Variants in EIF4H observed in about 807,000 individuals in gnomAD.
The protein encoded by EIF4H is Williams-Beuren syndrome chromosome region 1.
A neutral mutation model predicts 30.6 loss-of-function variants in EIF4H; 8 were observed. The ratio of observed to expected loss-of-function variants is 0.26; its 90% CI spans 0.15 to 0.47. EIF4H has a LOEUF of 0.47. EIF4H is among the 20% of genes least tolerant of loss of function. The pLI is 0.99. For synonymous variants in EIF4H, 106 were observed against 122.7 expected, an observed-to-expected ratio of 0.86 and a Z score of 0.90; for missense variants, 188 against 339.5, an observed-to-expected ratio of 0.55 and a Z score of 3.51.
intron 1 of EIF4H, among the ~76,000 whole-genome samples, chr7:74,174,914 G>C (rs1554707455): frequency 6.6e-6 from 1 of 152,240 alleles, no homozygotes; most frequent in African/African-American, 2.4e-5. Flanking sequence ...GGCCGACTGG[G>C]GAAGGTCGGC....
chr7:74,182,090 C>G (rs1357917733), intron 1 of EIF4H, among the ~76,000 whole-genome samples: 1 of 152,098 alleles, frequency 6.6e-6, no homozygotes, highest in Non-Finnish European at 1.5e-5. Context: ...AACAGTTTTT[C>G]CAGTACCCAG....
chr7:74,193,129 G>C (rs1283336964), intron 5 of EIF4H, among the ~76,000 whole-genome samples: 3 of 152,176 alleles, frequency 2.0e-5, no homozygotes, highest in Admixed American at 6.5e-5. Context: ...GGTTTTGTCT[G>C]TAAGACACCT....
At chr7:74,177,793 AG>A (rs1554707892) in intron 1 of EIF4H, among the ~76,000 whole-genome samples, 1 of 152,220 alleles carries the variant, frequency 6.6e-6, no homozygotes. Flanking sequence ...GGATTTGCTA[AG>A]AGGTCTCTGC....
At chr7:74,174,648 C>T (rs1285489582) in intron 1 of EIF4H, among the ~76,000 whole-genome samples, 1 of 151,454 alleles carries the variant, frequency 6.6e-6, no homozygotes, top group South Asian at 2.1e-4. Flanking sequence ...GTCTTGCTTG[C>T]GGGGCGGATC....
chr7:74,191,937 G>A (rs1229295475), intron 5 of EIF4H, among the ~76,000 whole-genome samples: 2 of 151,918 alleles, frequency 1.3e-5, no homozygotes, highest in Non-Finnish European at 2.9e-5. Flanking sequence ...CCACCACCAC[G>A]CCCGGCTAAT....
intron 1 of EIF4H, among the ~76,000 whole-genome samples, chr7:74,181,411 T>G (rs1198301562): frequency 4.6e-5 from 7 of 152,124 alleles, no homozygotes; most frequent in African/African-American, 1.7e-4. Flanking sequence ...ATATATTCTT[T>G]CTTTGTTTTT....
intron 1 of EIF4H, among the ~76,000 whole-genome samples, chr7:74,174,710 G>C (rs1256756896): frequency 6.6e-6 from 1 of 152,184 alleles, no homozygotes; most frequent in African/African-American, 2.4e-5. Flanking sequence ...CCCTGCCTTG[G>C]CCGCGGCGGC....
At chr7:74,190,713 T>C (rs888735079) in intron 5 of EIF4H, among the ~76,000 whole-genome samples, 1 of 152,138 alleles carries the variant, frequency 6.6e-6, no homozygotes, top group East Asian at 1.9e-4. Context: ...GGCCCTTTTT[T>C]TTCTTGGAGG....
In EIF4H at chr7:74,194,883, G is replaced by T; in HGVS notation, c.607+5G>T. On this transcript the variant is annotated splice_donor_5th_base_variant and intron_variant, in intron 6 of 6. Coordinates refer to ENST00000265753, the MANE Select transcript of EIF4H (RefSeq NM_022170.2). Reference sequence around the variant, plus strand: ...ATTTCAGAGAACCCACAGAAGGTACGGGCTCATGTGTCAGTGGAGGGCATC... The same window carrying T: ...ATTTCAGAGAACCCACAGAAGGTACTGGCTCATGTGTCAGTGGAGGGCATC... 6.3e-7 allele frequency: 1 copy of T among 1,583,430 alleles called. No homozygotes were observed. The highest frequency in any genetic ancestry group is 8.6e-7 in the Non-Finnish European group (1 of 1,156,980).
At chr7:74,188,311 G>A (rs1355973047) in intron 2 of EIF4H, among the ~76,000 whole-genome samples, 5 of 152,242 alleles carry the variant, frequency 3.3e-5, no homozygotes, top group African/African-American at 1.2e-4. Context: ...TAGGTCGTGT[G>A]TCTGCAGGGT....
chr7:74,190,816 C>T (rs1297218709), intron 5 of EIF4H, among the ~76,000 whole-genome samples: 1 of 151,776 alleles, frequency 6.6e-6, no homozygotes, highest in Non-Finnish European at 1.5e-5. Context: ...GGTGGTATAG[C>T]ACAAAGCATC....
At chr7:74,193,177 TCA>T (rs1233470637) in intron 5 of EIF4H, among the ~76,000 whole-genome samples, 2 of 152,142 alleles carry the variant, frequency 1.3e-5, no homozygotes, top group Non-Finnish European at 2.9e-5. Flanking sequence ...AGACAGCACT[TCA>T]CACTGCACCT....
chr7:74,178,412 C>T (rs1584172851), intron 1 of EIF4H, among the ~76,000 whole-genome samples: 1 of 152,016 alleles, frequency 6.6e-6, no homozygotes, highest in Non-Finnish European at 1.5e-5. Flanking sequence ...GGTGTGGCGG[C>T]ACATACCTGT....
In EIF4H at chr7:74,187,925, G is replaced by C. The variant is rs541487625; in HGVS notation, c.247+127G>C. ...AGAAAGTGTTTTAAACATTTGCCTG[G>C]TCTAAGTGGCCGAAAGAAACATAAC... On this transcript the variant is annotated intron_variant, in intron 2 of 6. Coordinates refer to ENST00000265753, the MANE Select transcript of EIF4H (RefSeq NM_022170.2). 2.5e-5 allele frequency: 28 copies of C among 1,141,258 alleles called. No individual in the cohort carries two copies. In the South Asian group the frequency reaches 4.5e-4, roughly 18 times the overall value. 70.7% of individuals were successfully genotyped at this position (1,141,258 alleles called of 1,614,324 possible).
rs1196030030 is a variant in EIF4H, at chr7:74,189,756, T to C, written c.312+19T>C. ...TGGTGCAGTAAGTATCCTCGGGTTT[T>C]CTCTGTCATAGCAGTTGAGATTGTT... On this transcript the variant is annotated intron_variant, in intron 3 of 6. Coordinates refer to ENST00000265753, the MANE Select transcript of EIF4H (RefSeq NM_022170.2). 6.2e-7 allele frequency: 1 copy of C among 1,614,230 alleles called. No homozygotes were observed. Among genetic ancestry groups the C allele is most frequent in the African/African-American group, 1.3e-5 (1 of 75,064 alleles).
chr7:74,188,144 C>T (rs1801130025), intron 2 of EIF4H, among the ~76,000 whole-genome samples: 2 of 152,220 alleles, frequency 1.3e-5, no homozygotes, highest in South Asian at 2.1e-4. Context: ...TGGAATGACT[C>T]GTAGATTTTC....
chr7:74,193,739 A>G (rs1554710306), intron 5 of EIF4H, among the ~76,000 whole-genome samples: 1 of 151,680 alleles, frequency 6.6e-6, no homozygotes, highest in Admixed American at 6.6e-5. Flanking sequence ...CAGCCTCATG[A>G]GTAGCTGGAA....
chr7:74,181,427 T>TTTTTG (rs1254871543), intron 1 of EIF4H, among the ~76,000 whole-genome samples: 1 of 152,146 alleles, frequency 6.6e-6, no homozygotes, highest in Non-Finnish European at 1.5e-5. Flanking sequence ...TTTTTTTTGT[T>TTTTTG]TTTTGTTTTG....
Position 74,195,587 on chromosome 7 carries a change from A to G in EIF4H, c.*279A>G. On this transcript the variant is annotated 3_prime_UTR_variant, in exon 7 of 7. Coordinates refer to ENST00000265753, the MANE Select transcript of EIF4H (RefSeq NM_022170.2). ...TTTTTCTCCTGCTCCTTGTTTTCCCAGCAGCACATGGGGTTCCTCGGAGGA... is the reference window on the plus strand; with the variant it reads ...TTTTTCTCCTGCTCCTTGTTTTCCCGGCAGCACATGGGGTTCCTCGGAGGA... The G allele has an allele frequency of 3.3e-6, 1 of 306,828 alleles. No individual in the cohort carries two copies. The highest frequency in any genetic ancestry group is 6.0e-6 in the Non-Finnish European group (1 of 165,924). 19.0% of individuals were successfully genotyped at this position (306,828 alleles called of 1,614,324 possible).
Sources: allele counts gnomAD v4.1 joint callset (sites outside exome capture counted in the v4.1 genomes callset), GRCh38; gene constraint gnomAD v4.1.1; transcripts MANE v1.5; gene names NCBI Gene and HGNC (gene_info 2026-07-23, HGNC 2026-07-21).